Variants in UNC79 observed in about 807,000 individuals in gnomAD.
UNC79 encodes the protein protein unc-79 homolog.
Under a neutral mutation model 283.1 loss-of-function variants are expected in UNC79, and 37 were observed. The ratio of observed to expected loss-of-function variants is 0.13; its 90% CI spans 0.10 to 0.17. UNC79 has a LOEUF of 0.17. UNC79 is among the 10% of genes least tolerant of loss of function. The probability of loss-of-function intolerance (pLI) is 1.00; values close to 1 mark genes in which losing one functional copy is unlikely to be tolerated. For synonymous variants in UNC79, 1,107 were observed against 1,200.2 expected, an observed-to-expected ratio of 0.92 and a Z score of 1.61; for missense variants, 2,272 against 3,211.1, an observed-to-expected ratio of 0.71 and a Z score of 7.07.
intron 40 of UNC79, 91 bp downstream of exon 43, chr14:93,662,805 G>A (rs2071741074): frequency 1.1e-6 from 1 of 938,810 alleles, no homozygotes; most frequent in Non-Finnish European, 1.6e-6. Context: ...TTTTAGCTCA[G>A]TTGCTTCCAT....
chr14:93,558,034 CAA>C lies in UNC79; in HGVS notation c.1756-13859_1756-13858del, dbSNP rs1197670269. ...AAGCTTTCAAGGACATAAAACAAGA[CAA>C]GAGGGAAACTACATTTGGTTTTTGT... On this transcript the variant is annotated intron_variant, in intron 14 of 48. Coordinates refer to ENST00000555664, the Ensembl canonical transcript of UNC79. 2.6e-5 allele frequency among the ~76,000 whole-genome samples: 4 copies of C among 152,304 alleles called. No homozygotes were observed. The East Asian group carries it at 7.7e-4, about 29-fold the overall frequency.
intron 1 of UNC79, among the ~76,000 whole-genome samples, chr14:93,357,613 G>A (rs2054112189): frequency 7.0e-6 from 1 of 143,484 alleles, no homozygotes; most frequent in African/African-American, 2.6e-5. Flanking sequence ...TTGCTTCTTA[G>A]CTTGCAGATG....
At chr14:93,662,818 A>G (rs539096862) in intron 40 of UNC79, 104 bp downstream of exon 43, 12 of 779,266 alleles carry the variant, frequency 1.5e-5, no homozygotes, top group Non-Finnish European at 2.2e-5. Context: ...GCTTCCATAT[A>G]GTTAAAAATG....
At chr14:93,471,284 A>G (rs1413437405) in intron 2 of UNC79, among the ~76,000 whole-genome samples, 1 of 152,218 alleles carries the variant, frequency 6.6e-6, no homozygotes, top group African/African-American at 2.4e-5. Flanking sequence ...CTAATCTTAA[A>G]GGAAGTTTGT....
At chr14:93,525,900 C>G (rs905730682) in intron 8 of UNC79, among the ~76,000 whole-genome samples, 9 of 152,172 alleles carry the variant, frequency 5.9e-5, no homozygotes, top group African/African-American at 2.2e-4. Flanking sequence ...TCTAGGCAAA[C>G]AGCCCAGTCC....
chr14:93,373,173 G>A (rs1189255007), intron 1 of UNC79, among the ~76,000 whole-genome samples: 1 of 152,174 alleles, frequency 6.6e-6, no homozygotes, highest in Non-Finnish European at 1.5e-5. Context: ...AGAGCTTACA[G>A]GAAATTTTAT....
chr14:93,549,289 A>G (rs1028294735), intron 14 of UNC79, among the ~76,000 whole-genome samples: 6 of 152,236 alleles, frequency 3.9e-5, no homozygotes, highest in Admixed American at 3.3e-4. Context: ...CAGAATAATG[A>G]TTCTGTTTAA....
intron 4 of UNC79, among the ~76,000 whole-genome samples, chr14:93,481,050 G>A (rs920484966): frequency 3.3e-5 from 5 of 152,138 alleles, no homozygotes; most frequent in Admixed American, 2.6e-4. Context: ...TTCAGAGTAA[G>A]AGGCCAGCAT....
chr14:93,683,857 AAC>A (rs546504550), intron 42 of UNC79, among the ~76,000 whole-genome samples: 1 of 151,818 alleles, frequency 6.6e-6, no homozygotes, highest in African/African-American at 2.4e-5. Flanking sequence ...AAAAAAAAAA[AAC>A]ACACACTTCA....
At chr14:93,637,154 TTG>T (rs1263559020) in intron 31 of UNC79, 60 bp from the exon 35 acceptor site, 3 of 868,798 alleles carry the variant, frequency 3.5e-6, no homozygotes, top group East Asian at 4.8e-5. Flanking sequence ...GTTAAATTCT[TTG>T]TGTTCTAAAT....
At chr14:93,372,270 ACT>A (rs534770799) in intron 1 of UNC79, among the ~76,000 whole-genome samples, 187 of 152,280 alleles carry the variant, frequency 1.2e-3, no homozygotes, top group African/African-American at 4.3e-3. Flanking sequence ...TACAGTAACA[ACT>A]CTGTATCTAA....
At chr14:93,457,890 T>A (rs898824168) in intron 1 of UNC79, among the ~76,000 whole-genome samples, 1 of 152,176 alleles carries the variant, frequency 6.6e-6, no homozygotes, top group South Asian at 2.1e-4. Flanking sequence ...AGATCACTAG[T>A]CTACATGAAG....
chr14:93,687,430 C>T (rs2074330176), intron 43 of UNC79, among the ~76,000 whole-genome samples: 1 of 152,088 alleles, frequency 6.6e-6, no homozygotes, highest in African/African-American at 2.4e-5. Context: ...CTGAGGAAGG[C>T]CCTAGACAGA....
chr14:93,586,496 C>A, intron 20 of UNC79, 100 bp from the exon 21 acceptor site: 1 of 1,098,620 alleles, frequency 9.1e-7, no homozygotes, highest in South Asian at 1.5e-5. Flanking sequence ...GCATATATGT[C>A]AATTTTTTAC....
chr14:93,533,922 A>G (rs2060944642), intron 11 of UNC79, among the ~76,000 whole-genome samples: 1 of 152,232 alleles, frequency 6.6e-6, no homozygotes, highest in Admixed American at 6.5e-5. Context: ...CTTCAGGCTT[A>G]AAGTCTAGTA....
rs746783789 is a variant in UNC79, at chr14:93,622,202, G to A, written c.4969G>A (p.Asp1657Asn). 14 of 1,614,046 alleles carry A rather than the reference G, an allele frequency of 8.7e-6. No homozygotes were observed. The East Asian group carries it at 2.0e-4, about 23-fold the overall frequency. ...AGAGGAGACGATGAACCAAGGCGAT[G>A]ACGGCCCCTCCGGTAAAAATGCTGC... Residue 1657 changes from aspartate to asparagine, a missense_variant, in exon 30 of 49, where the codon GAC becomes AAC. This residue lies in a region of UNC79 where 580 missense variants were observed against 632.2 expected (regional missense o/e 0.92). Transcript: ENST00000555664.
At chr14:93,492,067 T>G (rs2058753899) in intron 5 of UNC79, among the ~76,000 whole-genome samples, 2 of 152,224 alleles carry the variant, frequency 1.3e-5, no homozygotes, top group African/African-American at 4.8e-5. Flanking sequence ...CTTACTTAAG[T>G]AACCAGCATT....
chr14:93,625,688 C>T (rs1460091573), intron 30 of UNC79, among the ~76,000 whole-genome samples: 1 of 152,126 alleles, frequency 6.6e-6, no homozygotes, highest in Admixed American at 6.5e-5. Flanking sequence ...TCCCCTACTT[C>T]GTGTCTTTTC....
chr14:93,584,260 A>G (rs2064049627), intron 20 of UNC79, among the ~76,000 whole-genome samples: 1 of 152,186 alleles, frequency 6.6e-6, no homozygotes, highest in Non-Finnish European at 1.5e-5. Flanking sequence ...CACTCCTACT[A>G]TTCATTCACA....
Sources: allele counts gnomAD v4.1 joint callset (sites outside exome capture counted in the v4.1 genomes callset), GRCh38; gene constraint gnomAD v4.1.1; regional missense constraint gnomAD v4.1.1; transcripts MANE v1.5; gene names NCBI Gene and HGNC (gene_info 2026-07-23, HGNC 2026-07-21).